Variants in UBE2E2 observed in about 807,000 individuals in gnomAD.
UBE2E2 encodes the protein ubiquitin-conjugating enzyme E2 E2.
A neutral mutation model predicts 24.7 loss-of-function variants in UBE2E2; 6 were observed. That is an observed-to-expected ratio of 0.24 (90% CI 0.13 to 0.48). The LOEUF (loss-of-function observed/expected upper bound fraction) is 0.48, where lower values mean the gene tolerates loss of function less well. Among genes scored for constraint, UBE2E2 ranks in the 20% least tolerant of loss-of-function variants. The pLI is 0.99. For synonymous variants in UBE2E2, 104 were observed against 83.6 expected, an observed-to-expected ratio of 1.24 and a Z score of -1.33; for missense variants, 169 against 245.0, an observed-to-expected ratio of 0.69 and a Z score of 2.07.
chr3:23,522,228 T>G (rs1162519216), intron 4 of UBE2E2, among the ~76,000 whole-genome samples: 1 of 149,606 alleles, frequency 6.7e-6, no homozygotes, highest in East Asian at 2.0e-4. Context: ...CCTCCCGGGT[T>G]CGCGCCGTTC....
At chr3:23,445,818 A>G (rs1325338794) in intron 3 of UBE2E2, among the ~76,000 whole-genome samples, 1 of 152,178 alleles carries the variant, frequency 6.6e-6, no homozygotes, top group Non-Finnish European at 1.5e-5. Context: ...TTGTTGGCAC[A>G]TAGTGAGGCA....
chr3:23,405,193 G>A lies in UBE2E2; in HGVS notation c.228-94415G>A, dbSNP rs374372629. Among the ~76,000 whole-genome samples the A allele has an allele frequency of 2.1e-4, 32 of 152,270 alleles. No individual in the cohort carries two copies. The East Asian group carries it at 5.8e-3, about 28-fold the overall frequency. ...CAGTATAATGTGGTAGACCATTGTA[G>A]GTTTGAATTCCAAATATGTCTCTTA... On this transcript the variant is annotated intron_variant, in intron 3 of 5. Transcript: ENST00000396703.
At position 23,474,006 on chromosome 3, in the gene UBE2E2, T is replaced by G. The variant is rs1699077777; in HGVS notation, c.228-25602T>G. 6.6e-6 allele frequency among the ~76,000 whole-genome samples: 1 copy of G among 152,116 alleles called. No individual in the cohort carries two copies. The highest frequency in any genetic ancestry group is 1.5e-5 in the Non-Finnish European group (1 of 68,048). On this transcript the variant is annotated intron_variant, in intron 3 of 5. Coordinates refer to ENST00000396703, the MANE Select transcript of UBE2E2 (RefSeq NM_152653.4). The surrounding 1 kb of genome is among the most constrained non-coding windows in gnomAD (Gnocchi z 4.0). Reference sequence around the variant, plus strand: ...CATTTCCATACTGGTTGTACCAGTTTACATTCCCACCAGCAGTGTAGAAGT... The same window carrying G: ...CATTTCCATACTGGTTGTACCAGTTGACATTCCCACCAGCAGTGTAGAAGT...
chr3:23,356,640 C>G (rs1695963349), intron 3 of UBE2E2, among the ~76,000 whole-genome samples: 1 of 152,176 alleles, frequency 6.6e-6, no homozygotes, highest in African/African-American at 2.4e-5. Flanking sequence ...TCATCAGTGT[C>G]CTTTACACTG....
intron 3 of UBE2E2, among the ~76,000 whole-genome samples, chr3:23,228,616 T>G (rs965247501): frequency 3.9e-5 from 6 of 152,016 alleles, no homozygotes; most frequent in Admixed American, 3.9e-4. Flanking sequence ...TTTAAGACAG[T>G]GTAAAATTTG....
chr3:23,361,842 A>G (rs1559361736), intron 3 of UBE2E2, among the ~76,000 whole-genome samples: 1 of 152,212 alleles, frequency 6.6e-6, no homozygotes, highest in African/African-American at 2.4e-5. Context: ...ATAAAATACA[A>G]GGTATTATTG....
chr3:23,291,062 C>T (rs1440446125), intron 3 of UBE2E2, among the ~76,000 whole-genome samples: 1 of 89,302 alleles, frequency 1.1e-5, no homozygotes, highest in Non-Finnish European at 2.1e-5. Flanking sequence ...GAGCAAGACC[C>T]TGTCTTTAAA....
intron 3 of UBE2E2, among the ~76,000 whole-genome samples, chr3:23,350,824 C>G (rs572878965): frequency 6.6e-6 from 1 of 152,220 alleles, no homozygotes; most frequent in Admixed American, 6.5e-5. Context: ...AGGATATTGT[C>G]CAGGAGAACT....
chr3:23,514,298 C>A (rs1694677885), intron 4 of UBE2E2, among the ~76,000 whole-genome samples: 2 of 152,246 alleles, frequency 1.3e-5, no homozygotes, highest in African/African-American at 2.4e-5. Context: ...TGGTTTCTTT[C>A]TCACGTTACC....
At chr3:23,422,470 T>C (rs1697825970) in intron 3 of UBE2E2, among the ~76,000 whole-genome samples, 1 of 152,222 alleles carries the variant, frequency 6.6e-6, no homozygotes, top group South Asian at 2.1e-4. Context: ...CAAGATTCCA[T>C]GTTTCTTTAT....
At chr3:23,381,807 T>G (rs1161618043) in intron 3 of UBE2E2, among the ~76,000 whole-genome samples, 1 of 152,220 alleles carries the variant, frequency 6.6e-6, no homozygotes. Flanking sequence ...TTTTCTTGTT[T>G]GGGCATGGTG....
chr3:23,221,439 A>T (rs1204403250), intron 3 of UBE2E2, among the ~76,000 whole-genome samples: 1 of 151,642 alleles, frequency 6.6e-6, no homozygotes, highest in Non-Finnish European at 1.5e-5. Context: ...TTTAGCAGTC[A>T]CTCCTTCCCC....
At chr3:23,464,436 T>C (rs1698880419) in intron 3 of UBE2E2, among the ~76,000 whole-genome samples, 2 of 152,160 alleles carry the variant, frequency 1.3e-5, no homozygotes, top group South Asian at 4.1e-4. Context: ...TTTTTTAGAT[T>C]TATTTTTAGG....
chr3:23,217,415 A>G, intron 3 of UBE2E2, 103 bp downstream of exon 3: 1 of 1,051,476 alleles, frequency 9.5e-7, no homozygotes, highest in Non-Finnish European at 1.5e-6. Flanking sequence ...TAATTAGTAA[A>G]AACATCATTG....
chr3:23,455,555 C>T (rs1259831989), intron 3 of UBE2E2, among the ~76,000 whole-genome samples: 1 of 151,960 alleles, frequency 6.6e-6, no homozygotes, highest in African/African-American at 2.4e-5. Flanking sequence ...CCCATTTCTA[C>T]AAAAAATTAG....
chr3:23,417,907 G>C (rs1695181), intron 3 of UBE2E2, among the ~76,000 whole-genome samples: 93,761 of 151,926 alleles, frequency 0.62, 29,639 homozygotes, highest in African/African-American at 0.74. Flanking sequence ...TGTCCCTCCC[G>C]TGCCCAAGGT....
At chr3:23,347,983 G>A (rs1362176923) in intron 3 of UBE2E2, among the ~76,000 whole-genome samples, 1 of 152,086 alleles carries the variant, frequency 6.6e-6, no homozygotes. Context: ...TTGTGCACAT[G>A]TACCCTAGAA....
At chr3:23,298,202 T>A (rs1377207158) in intron 3 of UBE2E2, among the ~76,000 whole-genome samples, 4 of 152,194 alleles carry the variant, frequency 2.6e-5, no homozygotes, top group Admixed American at 6.5e-5. Context: ...GACAGCGGGA[T>A]TTTCTAGATA....
At chr3:23,212,463 G>A (rs1696355466) in intron 2 of UBE2E2, among the ~76,000 whole-genome samples, 1 of 152,102 alleles carries the variant, frequency 6.6e-6, no homozygotes, top group South Asian at 2.1e-4. Flanking sequence ...GATCTTCTTT[G>A]AATTTATTCT....
Sources: allele counts gnomAD v4.1 joint callset (sites outside exome capture counted in the v4.1 genomes callset), GRCh38; gene constraint gnomAD v4.1.1; non-coding constraint Gnocchi (gnomAD v3.1); transcripts MANE v1.5; gene names NCBI Gene and HGNC (gene_info 2026-07-23, HGNC 2026-07-21).